ADAMTSL1: variants seen among roughly 807,000 people sequenced by gnomAD.
ADAMTSL1 encodes the protein ADAMTS like 1, also known as ADAMTS-like protein 1.
Under a neutral mutation model 201.8 loss-of-function variants are expected in ADAMTSL1, and 126 were observed. The observed-to-expected ratio is 0.62, with a 90% confidence interval of 0.54 to 0.72. The LOEUF (loss-of-function observed/expected upper bound fraction) is 0.72. ADAMTSL1 is among the 30% of genes least tolerant of loss of function. The pLI, the probability that ADAMTSL1 is intolerant of heterozygous loss-of-function variation, is 0.00. For synonymous variants in ADAMTSL1, 1,121 were observed against 903.4 expected (o/e 1.24, Z -4.32); for missense variants, 2,679 against 2,277.8 (o/e 1.18, Z -3.59).
chr9:18,160,918 G>C (rs1460864282), intron 1 of ADAMTSL1, among the ~76,000 whole-genome samples: 5 of 147,256 alleles, frequency 3.4e-5, no homozygotes, highest in Non-Finnish European at 7.4e-5. Flanking sequence ...GAATTCCTAA[G>C]CTCAAGCATT....
chr9:18,012,091 G>C (rs1466072893), intron 1 of ADAMTSL1, among the ~76,000 whole-genome samples: 2 of 152,018 alleles, frequency 1.3e-5, no homozygotes, highest in East Asian at 3.9e-4. Context: ...CAAAGGTCCA[G>C]GGGTTGCAGG....
At chr9:18,490,952 G>C (rs1822242159) in intron 1 of ADAMTSL1, among the ~76,000 whole-genome samples, 2 of 152,216 alleles carry the variant, frequency 1.3e-5, no homozygotes, top group African/African-American at 4.8e-5. Flanking sequence ...GGAGGCAGGA[G>C]ACAGGTTAGC....
At chr9:18,181,379 G>C (rs139994480) in intron 2 of ADAMTSL1, among the ~76,000 whole-genome samples, 4,989 of 152,222 alleles carry the variant, frequency 0.033, 116 homozygotes, top group Non-Finnish European at 0.053. Context: ...ATTTTTGCAA[G>C]CTACTCATCT....
At chr9:18,478,073 A>T (rs1339188636) in intron 1 of ADAMTSL1, among the ~76,000 whole-genome samples, 1 of 152,174 alleles carries the variant, frequency 6.6e-6, no homozygotes. Context: ...ATTTACTATT[A>T]TGTATGTATA....
intron 7 of ADAMTSL1, among the ~76,000 whole-genome samples, chr9:18,648,073 G>A (rs1181207799): frequency 1.4e-5 from 2 of 147,334 alleles, no homozygotes; most frequent in African/African-American, 5.0e-5. Context: ...GGGTGCTCCT[G>A]TATTGGGTGC....
chr9:18,690,060 T>C (rs1247392260), intron 13 of ADAMTSL1, among the ~76,000 whole-genome samples: 2 of 152,192 alleles, frequency 1.3e-5, no homozygotes. Context: ...GGATGCCAGA[T>C]GGCATCAGCT....
At chr9:18,615,802 G>T (rs2132634849) in intron 4 of ADAMTSL1, among the ~76,000 whole-genome samples, 1 of 152,190 alleles carries the variant, frequency 6.6e-6, no homozygotes, top group South Asian at 2.1e-4. Context: ...ATTGGATTCG[G>T]CTTCTAGAGC....
At chr9:18,630,846 C>T (rs548365935) in intron 5 of ADAMTSL1, among the ~76,000 whole-genome samples, 6 of 152,186 alleles carry the variant, frequency 3.9e-5, no homozygotes, top group Admixed American at 1.3e-4. Flanking sequence ...ACTCCTTCTA[C>T]GACAATGCAG....
intron 2 of ADAMTSL1, among the ~76,000 whole-genome samples, chr9:18,207,079 C>T (rs1408373280): frequency 2.0e-5 from 3 of 151,924 alleles, no homozygotes; most frequent in African/African-American, 4.8e-5. Flanking sequence ...GTAGGAGAAT[C>T]GCTGGAACCT....
intron 1 of ADAMTSL1, among the ~76,000 whole-genome samples, chr9:17,911,850 A>C (rs1825906943): frequency 7.7e-5 from 2 of 26,106 alleles, no homozygotes; most frequent in Non-Finnish European, 2.2e-4. Context: ...CCCACCCCAC[A>C]ACAGTCCCTA....
chr9:18,379,919 C>T lies in ADAMTSL1; in HGVS notation c.208-124910C>T, dbSNP rs1228689941. Among the ~76,000 whole-genome samples the T allele has an allele frequency of 2.6e-5, 4 of 152,166 alleles. No individual in the cohort carries two copies. The East Asian group carries it at 7.7e-4, about 29-fold the overall frequency. ...GGGATTAAAGGCTTTCATTAAAGCC[C>T]CCCTTCCTGTTTTCCCATTCCACGG... On this transcript the variant is annotated intron_variant, in intron 2 of 29. Coordinates refer to the ADAMTSL1 transcript ENST00000680146.
intron 3 of ADAMTSL1, among the ~76,000 whole-genome samples, chr9:18,538,194 T>C (rs1819912792): frequency 2.6e-5 from 4 of 152,090 alleles, no homozygotes; most frequent in Non-Finnish European, 5.9e-5. Context: ...AATGGTTGTG[T>C]GGACTAGAGT....
At position 18,706,769 on chromosome 9, in the gene ADAMTSL1, G is replaced by A. The variant is rs1294040834; in HGVS notation, c.1597G>A (p.Ala533Thr). The A allele has an allele frequency of 1.9e-6, 3 of 1,605,874 alleles. No homozygotes were observed. Among genetic ancestry groups the A allele is most frequent in the Admixed American group, 1.7e-5 (1 of 58,754 alleles). Residue 533 changes from alanine to threonine, a missense_variant, in exon 14 of 29, where the codon GCC (alanine) becomes ACC (threonine). Physicochemically the swap from Ala to Thr is moderately conservative, Grantham distance 58. Transcript: ENST00000380548. ...CAGGTTCATCCCAGAGGCCTGGTCG[G>A]CCTGCACAGTCACCTGTGGTGTGGG... ...EPSFIPEAWS[A>T]CTVTCGVGTQ...
chr9:18,476,663 C>A (rs1488042442), intron 1 of ADAMTSL1, among the ~76,000 whole-genome samples: 2 of 150,828 alleles, frequency 1.3e-5, no homozygotes, highest in Non-Finnish European at 1.5e-5. Flanking sequence ...GCTTGTTTTT[C>A]CTATAGTCTT....
chr9:18,308,758 C>T (rs578128853), intron 2 of ADAMTSL1, among the ~76,000 whole-genome samples: 5 of 152,116 alleles, frequency 3.3e-5, no homozygotes, highest in African/African-American at 7.2e-5. Context: ...ACCAGAGGTA[C>T]AAAGAGGAGC....
rs200656797 is a variant in ADAMTSL1 at position 17,922,738 on chromosome 9, C to G, written c.87+15816C>G. Among the ~76,000 whole-genome samples, 175 of 152,112 alleles carry G rather than the reference C, an allele frequency of 1.2e-3. 1 individual carries two copies. Among genetic ancestry groups the G allele is most frequent in the African/African-American group, 4.0e-3 (164 of 41,500 alleles). On this transcript the variant is annotated intron_variant, in intron 1 of 29. Transcript: ENST00000680146. ...ATAACTCTGCTCAGTGATTTTTTTC[C>G]CATCAGAGCATACGCTATTATTTTA...
At chr9:18,254,567 G>T (rs1326510251) in intron 2 of ADAMTSL1, among the ~76,000 whole-genome samples, 7 of 151,624 alleles carry the variant, frequency 4.6e-5, no homozygotes, top group South Asian at 4.2e-4. Context: ...GTTTCACCAT[G>T]TTAGCCAGGA....
At chr9:18,626,839 T>TTTTCTTTCTTTCTTTCTTTC (rs752168419) in intron 5 of ADAMTSL1, among the ~76,000 whole-genome samples, 201 of 131,974 alleles carry the variant, frequency 1.5e-3, no homozygotes, top group Non-Finnish European at 2.1e-3. Context: ...CTTACTTTCT[T>TTTTCTTTCTTTCTTTCTTTC]TTTCTTTCTT....
chr9:18,142,501 T>G (rs1826445031), intron 1 of ADAMTSL1, among the ~76,000 whole-genome samples: 1 of 152,220 alleles, frequency 6.6e-6, no homozygotes, highest in African/African-American at 2.4e-5. Context: ...CCCCCTCACC[T>G]AATTCTGTCC....
Sources: allele counts gnomAD v4.1 joint callset (sites outside exome capture counted in the v4.1 genomes callset), GRCh38; gene constraint gnomAD v4.1.1; transcripts MANE v1.5; gene names NCBI Gene and HGNC (gene_info 2026-07-23, HGNC 2026-07-21).